MEG3: variants seen among roughly 807,000 people sequenced by gnomAD.
MEG3 encodes the protein Very putative protein from MEG3 locus.
exon 1 of MEG3, chr14:100,858,888 T>C (rs115651860): frequency 0.022 from 3,390 of 152,814 alleles, 111 homozygotes; most frequent in African/African-American, 0.077. Flanking sequence ...TGTTTAGGTG[T>C]CGATTCCTGG....
chr14:100,844,020 C>G (rs536989398), intron 2 of MEG3, among the ~76,000 whole-genome samples: 3 of 151,812 alleles, frequency 2.0e-5, no homozygotes, highest in Non-Finnish European at 4.4e-5. Flanking sequence ...TTAGTAGAGA[C>G]GGGGTTTCAT....
chr14:100,860,627 G>A, intron 1 of MEG3: 1 of 456,464 alleles, frequency 2.2e-6, no homozygotes, highest in Non-Finnish European at 4.4e-6. Context: ...GTCTGTCTGT[G>A]AACTCTTGTC....
At chr14:100,844,374 A>C (rs1037716057) in intron 2 of MEG3, among the ~76,000 whole-genome samples, 1 of 152,204 alleles carries the variant, frequency 6.6e-6, no homozygotes, top group Non-Finnish European at 1.5e-5. Flanking sequence ...GTGGGACCTC[A>C]GCTGTCACAG....
upstream of MEG3, chr14:100,855,841 T>A (rs550988780): frequency 1.3e-5 from 2 of 152,146 alleles, no homozygotes; most frequent in East Asian, 3.9e-4. Context: ...TAGATTCGAG[T>A]TCTGTTGCGA....
chr14:100,843,666 G>C (rs1004871469), intron 2 of MEG3, among the ~76,000 whole-genome samples: 1 of 152,060 alleles, frequency 6.6e-6, no homozygotes, highest in African/African-American at 2.4e-5. Flanking sequence ...GGACATCCTG[G>C]CTGGAGACAT....
chr14:100,843,653 C>T (rs1430072516), intron 2 of MEG3, among the ~76,000 whole-genome samples: 1 of 152,056 alleles, frequency 6.6e-6, no homozygotes, highest in Non-Finnish European at 1.5e-5. Context: ...CTGGCCGGGT[C>T]TTGGACATCC....
At chr14:100,844,190 C>CT (rs2037845566) in intron 2 of MEG3, among the ~76,000 whole-genome samples, 1 of 152,126 alleles carries the variant, frequency 6.6e-6, no homozygotes, top group Non-Finnish European at 1.5e-5. Context: ...CTCTCATGGC[C>CT]TTTCTGTTTC....
chr14:100,840,227 T>G (rs541111363), intron 2 of MEG3, among the ~76,000 whole-genome samples: 1 of 152,204 alleles, frequency 6.6e-6, no homozygotes, highest in Non-Finnish European at 1.5e-5. Flanking sequence ...GGAGAGTTCT[T>G]AAGTCCCCTA....
chr14:100,836,618 C>T (rs75848022), intron 2 of MEG3, among the ~76,000 whole-genome samples: 1,906 of 151,734 alleles, frequency 0.013, 19 homozygotes, highest in Non-Finnish European at 0.02. Flanking sequence ...GCCCTCAGTA[C>T]GGCTTTGCTG....
chr14:100,845,572 G>T lies in MEG3; in HGVS notation n.3121+39G>T, dbSNP rs1205412954. ...GTGTAAAGAACACACATGTGGCCTTGCTGCTGAGGGTGGGGCCAGCTGCCC... is the reference window on the plus strand; with the variant it reads ...GTGTAAAGAACACACATGTGGCCTTTCTGCTGAGGGTGGGGCCAGCTGCCC... On this transcript the variant is annotated intron_variant and non_coding_transcript_variant, in intron 3 of 3. Coordinates refer to the MEG3 transcript ENST00000398461. The surrounding 1 kb of genome is among the most constrained non-coding windows in gnomAD (Gnocchi z 5.2). 4.4e-6 allele frequency: 2 copies of T among 451,760 alleles called. No individual in the cohort carries two copies. Among genetic ancestry groups the T allele is most frequent in the South Asian group, 1.6e-5 (1 of 63,836 alleles). The allele number at this position is 451,760 out of a possible 1,614,324, so 28.0% of individuals were successfully genotyped here. A position where few individuals can be genotyped will look rare whatever the true frequency, so the allele number is the denominator to read the frequency against.
intron 1 of MEG3, chr14:100,860,701 C>A: frequency 2.2e-6 from 1 of 456,692 alleles, no homozygotes; most frequent in Non-Finnish European, 4.4e-6. Flanking sequence ...CCTCCACAGC[C>A]ACGGGGACAC....
chr14:100,842,539 G>A (rs2037792159), intron 2 of MEG3, among the ~76,000 whole-genome samples: 1 of 152,204 alleles, frequency 6.6e-6, no homozygotes, highest in Non-Finnish European at 1.5e-5. Flanking sequence ...GCATTTGTCA[G>A]GGGAAGTTGT....
At chr14:100,844,761 G>A (rs887727112) in intron 2 of MEG3, among the ~76,000 whole-genome samples, 2 of 151,944 alleles carry the variant, frequency 1.3e-5, no homozygotes, top group African/African-American at 4.8e-5. Context: ...TAACATTTTG[G>A]GAGTATTCTG....
chr14:100,838,118 C>T (rs1251552120), intron 2 of MEG3, among the ~76,000 whole-genome samples: 1 of 152,094 alleles, frequency 6.6e-6, no homozygotes. Context: ...AGAATGCATT[C>T]GAGTAACTGG....
chr14:100,858,554 C>G (rs2038309260), exon 1 of MEG3: 1 of 152,850 alleles, frequency 6.5e-6, no homozygotes, highest in Non-Finnish European at 1.5e-5. Context: ...TTGTCTCCAG[C>G]TTTCACAGCC....
chr14:100,859,019 G>C (rs545853400), exon 1 of MEG3: 5 of 152,394 alleles, frequency 3.3e-5, no homozygotes, highest in African/African-American at 9.6e-5. Context: ...GAGGACGGGT[G>C]GGGAGACAGG....
intron 2 of MEG3, among the ~76,000 whole-genome samples, chr14:100,840,182 C>G (rs2037709237): frequency 6.6e-6 from 1 of 152,190 alleles, no homozygotes; most frequent in Non-Finnish European, 1.5e-5. Context: ...CTTAACTGCT[C>G]TCCAATTTCT....
downstream of MEG3, chr14:100,830,385 C>CACCCA (rs72228212): frequency 7.2e-6 from 1 of 139,290 alleles, no homozygotes; most frequent in Non-Finnish European, 1.5e-5. Flanking sequence ...ACACACACAC[C>CACCCA]CCCTCGTGTA....
chr14:100,847,934 A>G (rs185570803), intron 3 of MEG3: 1 of 152,310 alleles, frequency 6.6e-6, no homozygotes, highest in African/African-American at 2.4e-5. Flanking sequence ...GGAAGGAAGG[A>G]TGCTATGAAT....
Sources: allele counts gnomAD v4.1 joint callset (sites outside exome capture counted in the v4.1 genomes callset), GRCh38; gene constraint gnomAD v4.1.1; non-coding constraint Gnocchi (gnomAD v3.1); transcripts MANE v1.5; gene names NCBI Gene and HGNC (gene_info 2026-07-23, HGNC 2026-07-21).